The following ZNF536 variants were observed in gnomAD, a reference collection of about 807,000 sequenced individuals.
ZNF536 encodes zinc finger protein 536.
Under a neutral mutation model 84.5 loss-of-function variants are expected in ZNF536, and 13 were observed. The observed-to-expected ratio is 0.15, with a 90% CI of 0.10 to 0.24. ZNF536 has a LOEUF of 0.24. Among genes scored for constraint, ZNF536 ranks in the 10% least tolerant of loss-of-function variants. The pLI is 1.00. For synonymous variants in ZNF536, 811 were observed against 742.5 expected (o/e 1.09, Z -1.50); for missense variants, 1,536 against 1,747.5 (o/e 0.88, Z 2.16).
chr19:30,327,596 G>T (rs2047081486), intron 2 of ZNF536, among the ~76,000 whole-genome samples: 1 of 152,230 alleles, frequency 6.6e-6, no homozygotes, highest in South Asian at 2.1e-4. Flanking sequence ...CCCTTCAGCA[G>T]GCTTTGTTTG....
chr19:30,474,948 G>A (rs936520622), intron 2 of ZNF536, among the ~76,000 whole-genome samples: 1 of 133,866 alleles, frequency 7.5e-6, no homozygotes, highest in Non-Finnish European at 1.5e-5. Context: ...TCTCCTACCT[G>A]TCCCTTCCCT....
chr19:30,481,336 G>A (rs1241775670), intron 2 of ZNF536, among the ~76,000 whole-genome samples: 1 of 152,168 alleles, frequency 6.6e-6, no homozygotes, highest in Non-Finnish European at 1.5e-5. Flanking sequence ...CTCTGGGGGA[G>A]TCACACTGGT....
rs145225675 is a variant in ZNF536, at chr19:30,681,870, A to G, written c.170-28887A>G. Among the ~76,000 whole-genome samples the G allele has an allele frequency of 9.6e-4, 146 of 152,222 alleles. 1 individual carries two copies. Among genetic ancestry groups the G allele is most frequent in the Non-Finnish European group, 1.1e-3 (78 of 68,014 alleles). ...GAGAACAGCCCCTCTGGAATCCGCA[A>G]TGGTGTCAGCCCAGCCAACGTGGGC... On this transcript the variant is annotated intron_variant, in intron 1 of 1. Coordinates refer to the ZNF536 transcript ENST00000592773.
chr19:30,414,037 G>A (rs575624535), intron 1 of ZNF536, among the ~76,000 whole-genome samples: 124 of 140,360 alleles, frequency 8.8e-4, no homozygotes, highest in Non-Finnish European at 1.4e-3. Flanking sequence ...AGGTTGCAGT[G>A]AGCCGAGATC....
chr19:30,238,455 AC>A (rs2023700639), intron 1 of ZNF536, among the ~76,000 whole-genome samples: 2 of 151,326 alleles, frequency 1.3e-5, no homozygotes, highest in African/African-American at 4.9e-5. Context: ...ACACACACAC[AC>A]ACAATCACAC....
intron 1 of ZNF536, among the ~76,000 whole-genome samples, chr19:30,402,697 G>A (rs913190672): frequency 6.6e-6 from 1 of 150,606 alleles, no homozygotes; most frequent in African/African-American, 2.4e-5. Context: ...TCAAACTGCC[G>A]CCTCCAGAGC....
intron 1 of ZNF536, among the ~76,000 whole-genome samples, chr19:30,640,572 T>A (rs923752419): frequency 1.3e-5 from 2 of 151,914 alleles, no homozygotes; most frequent in East Asian, 3.9e-4. Context: ...CTCGCAAGAG[T>A]CAGGCCCAAG....
chr19:30,616,826 T>C (rs2048312502), intron 1 of ZNF536, among the ~76,000 whole-genome samples: 2 of 152,196 alleles, frequency 1.3e-5, no homozygotes, highest in East Asian at 3.9e-4. Context: ...TCAATTATTT[T>C]TTTCATGGTC....
In ZNF536 at chr19:30,676,278, A is replaced by T. The variant is rs144108141; in HGVS notation, c.170-34479A>T. 2.9e-3 allele frequency among the ~76,000 whole-genome samples: 446 copies of T among 152,344 alleles called. 2 individuals carry two copies. Among genetic ancestry groups the T allele is most frequent in the African/African-American group, 0.01 (432 of 41,582 alleles). ...GATTTCCTTGCCTCTACTGTGAGCA[A>T]GATGAACATGAACCTTTGTGCATAA... On this transcript the variant is annotated intron_variant, in intron 1 of 1. Coordinates refer to the ZNF536 transcript ENST00000592773.
intron 1 of ZNF536, among the ~76,000 whole-genome samples, chr19:30,380,088 C>T (rs1304702030): frequency 1.3e-5 from 2 of 152,156 alleles, no homozygotes; most frequent in Non-Finnish European, 2.9e-5. Context: ...CAGAGCAGCT[C>T]CAGCAGGGAG....
chr19:30,264,417 GTGTA>G (rs887196923), intron 1 of ZNF536, among the ~76,000 whole-genome samples: 2 of 134,886 alleles, frequency 1.5e-5, no homozygotes, highest in Non-Finnish European at 3.1e-5. Context: ...GTGTGTGTGT[GTGTA>G]TGTGTGTGTA....
Position 30,678,810 on chromosome 19 carries a change from A to C in ZNF536, c.170-31947A>C, listed in dbSNP as rs545684529. ...TGCCCTCTGGAAATAGGTCAGTTAA[A>C]TCTTCATTCAAAATAAAGAGATTAA... On this transcript the variant is annotated intron_variant, in intron 1 of 1. Coordinates refer to the ZNF536 transcript ENST00000592773. Among the ~76,000 whole-genome samples the C allele has an allele frequency of 2.6e-5, 4 of 151,328 alleles. No homozygotes were observed. In the South Asian group the frequency reaches 8.4e-4, roughly 32 times the overall value.
intron 1 of ZNF536, among the ~76,000 whole-genome samples, chr19:30,262,883 T>C (rs187984803): frequency 6.6e-6 from 1 of 152,184 alleles, no homozygotes; most frequent in Admixed American, 6.5e-5. Context: ...AGATATAATT[T>C]CTGCCCTCGT....
At chr19:30,625,990 A>C (rs1427203435) in intron 1 of ZNF536, among the ~76,000 whole-genome samples, 1 of 152,224 alleles carries the variant, frequency 6.6e-6, no homozygotes, top group Admixed American at 6.5e-5. Flanking sequence ...ACATGTGGGC[A>C]AGAGGTTATA....
intron 1 of ZNF536, among the ~76,000 whole-genome samples, chr19:30,242,419 T>C (rs1325398969): frequency 6.6e-6 from 1 of 152,050 alleles, no homozygotes; most frequent in Non-Finnish European, 1.5e-5. Flanking sequence ...CAGCATTGGG[T>C]TAGACTTGGT....
intron 1 of ZNF536, among the ~76,000 whole-genome samples, chr19:30,691,381 A>G (rs758248304): frequency 6.6e-6 from 1 of 151,838 alleles, no homozygotes; most frequent in Non-Finnish European, 1.5e-5. Flanking sequence ...AGATCCGGAT[A>G]CTAAAAATCA....
intron 1 of ZNF536, chr19:30,665,703 T>G (rs958534352): frequency 3.9e-5 from 6 of 152,296 alleles, no homozygotes; most frequent in African/African-American, 1.2e-4. Flanking sequence ...ACCCTTTCCA[T>G]GTCCATTCCA....
intron 1 of ZNF536, among the ~76,000 whole-genome samples, chr19:30,703,330 G>A (rs1217575041): frequency 1.3e-5 from 2 of 152,100 alleles, no homozygotes; most frequent in African/African-American, 2.4e-5. Context: ...CAGGTGTTAC[G>A]GGAGCTCCCC....
chr19:30,706,951 T>C (rs1293360231), intron 1 of ZNF536, among the ~76,000 whole-genome samples: 1 of 152,138 alleles, frequency 6.6e-6, no homozygotes, highest in Non-Finnish European at 1.5e-5. Context: ...TTGCTCCTTC[T>C]TTATGTTGTT....
Sources: gnomAD v4.1 joint callset for allele counts (sites outside exome capture counted in the v4.1 genomes callset) on GRCh38, gnomAD v4.1.1 for gene constraint, MANE v1.5 for transcripts, NCBI Gene and HGNC (gene_info 2026-07-23, HGNC 2026-07-21) for gene names.